The following SLCO6A1 variants were observed in gnomAD, a reference collection of about 807,000 sequenced individuals.
SLCO6A1 encodes cancer/testis antigen 48.
SLCO6A1 carries 65 observed loss-of-function variants against 72.7 expected under a neutral mutation model. That is an observed-to-expected ratio of 0.89 (90% CI 0.73 to 1.10). SLCO6A1 has a LOEUF of 1.10. Among genes scored for constraint, SLCO6A1 ranks in the 50% least tolerant of loss-of-function variants. The probability of loss-of-function intolerance (pLI) is 0.00; values close to 1 mark genes in which losing one functional copy is unlikely to be tolerated. For missense variants in SLCO6A1, 874 were observed against 872.6 expected (o/e 1.00, Z -0.02); for synonymous variants, 314 against 298.2 (o/e 1.05, Z -0.55).
intron 4 of SLCO6A1, among the ~76,000 whole-genome samples, chr5:102,462,636 A>T (rs1751097509): frequency 6.6e-6 from 1 of 152,216 alleles, no homozygotes; most frequent in Admixed American, 6.5e-5. Context: ...TTAATCGGGG[A>T]AAGGACGTCC....
intron 9 of SLCO6A1, among the ~76,000 whole-genome samples, chr5:102,411,596 A>ATT (rs111501034): frequency 0.058 from 8,594 of 148,036 alleles, 813 homozygotes; most frequent in African/African-American, 0.2. Flanking sequence ...CTAAGCTCTG[A>ATT]TTTTTTTTTT....
intron 7 of SLCO6A1, among the ~76,000 whole-genome samples, chr5:102,430,170 T>C (rs959845717): frequency 2.0e-5 from 3 of 152,166 alleles, no homozygotes; most frequent in Non-Finnish European, 4.4e-5. Context: ...GAAACTTTGC[T>C]GATGGCTGTT....
At chr5:102,421,172 C>G (rs1348899404) in intron 7 of SLCO6A1, among the ~76,000 whole-genome samples, 1 of 152,070 alleles carries the variant, frequency 6.6e-6, no homozygotes, top group Non-Finnish European at 1.5e-5. Context: ...CCCTGGGTTT[C>G]AAGCACAAAA....
intron 7 of SLCO6A1, among the ~76,000 whole-genome samples, chr5:102,422,623 T>C (rs1410119553): frequency 2.0e-5 from 3 of 152,130 alleles, no homozygotes; most frequent in Non-Finnish European, 2.9e-5. Flanking sequence ...TATGGGACTC[T>C]ATGAAAAGAC....
chr5:102,394,569 A>C (rs748565839), intron 10 of SLCO6A1, among the ~76,000 whole-genome samples: 9 of 152,068 alleles, frequency 5.9e-5, no homozygotes, highest in Admixed American at 1.3e-4. Context: ...AGAAAAAGCT[A>C]AATGAGAAGG....
intron 4 of SLCO6A1, among the ~76,000 whole-genome samples, chr5:102,463,022 A>G (rs919419196): frequency 1.3e-5 from 2 of 152,228 alleles, no homozygotes; most frequent in African/African-American, 2.4e-5. Context: ...CAAACTATGC[A>G]TATGACACAG....
At chr5:102,455,736 T>C (rs1000128708) in intron 6 of SLCO6A1, among the ~76,000 whole-genome samples, 2 of 152,116 alleles carry the variant, frequency 1.3e-5, no homozygotes, top group Admixed American at 1.3e-4. Context: ...AGAAGGAAAA[T>C]ACCTGGTGCC....
chr5:102,392,031 T>A (rs1157774643), intron 10 of SLCO6A1, among the ~76,000 whole-genome samples: 1 of 152,006 alleles, frequency 6.6e-6, no homozygotes, highest in Non-Finnish European at 1.5e-5. Flanking sequence ...ATGGGCATTT[T>A]AAATAAACTC....
intron 6 of SLCO6A1, among the ~76,000 whole-genome samples, chr5:102,445,041 A>G (rs562292586): frequency 6.6e-6 from 1 of 152,300 alleles, no homozygotes; most frequent in African/African-American, 2.4e-5. Context: ...ATATGCATGC[A>G]TGTGTCTTTA....
intron 7 of SLCO6A1, among the ~76,000 whole-genome samples, chr5:102,425,250 G>T (rs115897356): frequency 0.016 from 2,372 of 152,238 alleles, 60 homozygotes; most frequent in African/African-American, 0.054. Flanking sequence ...ATGCAACATA[G>T]TATTGGAAAT....
At chr5:102,487,365 T>C (rs1233788874) in intron 1 of SLCO6A1, among the ~76,000 whole-genome samples, 2 of 152,152 alleles carry the variant, frequency 1.3e-5, no homozygotes, top group Non-Finnish European at 2.9e-5. Context: ...TTTGATGTCA[T>C]GGTGCCAAAA....
In SLCO6A1 at chr5:102,493,805, A is replaced by G. The variant is rs541155852; in HGVS notation, c.358+4682T>C. 1.1e-4 allele frequency among the ~76,000 whole-genome samples: 16 copies of G among 152,314 alleles called. No homozygotes were observed. In the South Asian group the frequency reaches 3.3e-3, roughly 32 times the overall value. On this transcript the variant is annotated intron_variant, in intron 1 of 13. Coordinates refer to ENST00000506729, the MANE Select transcript of SLCO6A1 (RefSeq NM_173488.5). Reference sequence around the variant, plus strand: ...TAGGTTAATTGAACAAAGATGCAGGATAGAAGATGTAAATGAAGATGATAT... The same window carrying G: ...TAGGTTAATTGAACAAAGATGCAGGGTAGAAGATGTAAATGAAGATGATAT...
intron 7 of SLCO6A1, among the ~76,000 whole-genome samples, chr5:102,426,647 A>G (rs920036213): frequency 1.3e-5 from 2 of 152,230 alleles, no homozygotes; most frequent in Non-Finnish European, 2.9e-5. Flanking sequence ...GTGGAGAAAT[A>G]GAAACACTTT....
intron 3 of SLCO6A1, 24 bp downstream of exon 3, chr5:102,477,652 C>CTT: frequency 6.3e-7 from 1 of 1,589,428 alleles, no homozygotes. Context: ...ATGGGTCAAT[C>CTT]GTAATAGAGG....
At chr5:102,444,114 G>T (rs1200649485) in intron 6 of SLCO6A1, among the ~76,000 whole-genome samples, 2 of 152,148 alleles carry the variant, frequency 1.3e-5, no homozygotes, top group Non-Finnish European at 2.9e-5. Flanking sequence ...AGTAGGATCT[G>T]CAAATATATA....
chr5:102,399,408 A>ATGAATTG, intron 10 of SLCO6A1, 147 bp downstream of exon 10: 3 of 454,320 alleles, frequency 6.6e-6, no homozygotes, highest in Non-Finnish European at 7.5e-6. Flanking sequence ...AATTATACAC[A>ATGAATTG]TGAATTGTGT....
chr5:102,453,547 C>T (rs538963078), intron 6 of SLCO6A1, among the ~76,000 whole-genome samples: 1 of 152,158 alleles, frequency 6.6e-6, no homozygotes, highest in Admixed American at 6.5e-5. Context: ...GAAAATTGGA[C>T]ACTTTAAATA....
rs191312276 is a variant in SLCO6A1 at position 102,398,429 on chromosome 5, C to T, written c.1814+1126G>A. ...CTGACCTCAAGTGATCCATCCGCAA[C>T]GGCCTCCCAAAGTGCTGGGATTATA... On this transcript the variant is annotated intron_variant, in intron 10 of 13. Transcript: ENST00000506729. Among the ~76,000 whole-genome samples, 842 of 152,254 alleles carry T rather than the reference C, an allele frequency of 5.5e-3. 4 individuals are homozygous for T. Among genetic ancestry groups the T allele is most frequent in the African/African-American group, 0.019 (801 of 41,544 alleles).
intron 7 of SLCO6A1, among the ~76,000 whole-genome samples, chr5:102,427,612 G>A (rs1457690897): frequency 6.6e-6 from 1 of 151,788 alleles, no homozygotes; most frequent in Non-Finnish European, 1.5e-5. Context: ...ACTTCAAAGA[G>A]ACATGACAAC....
Sources: gnomAD v4.1 joint callset for allele counts (sites outside exome capture counted in the v4.1 genomes callset) on GRCh38, gnomAD v4.1.1 for gene constraint, MANE v1.5 for transcripts, NCBI Gene and HGNC (gene_info 2026-07-23, HGNC 2026-07-21) for gene names.